PAICS: variants seen among roughly 807,000 people sequenced by gnomAD.
The protein encoded by PAICS is phosphoribosylaminoimidazole carboxylase and phosphoribosylaminoimidazolesuccinocarboxamide synthase, also known as bifunctional phosphoribosylaminoimidazole carboxylase/phosphoribosylaminoimidazole succinocarboxamide synthetase.
Under a neutral mutation model 53.7 loss-of-function variants are expected in PAICS, and 33 were observed. That is an observed-to-expected ratio of 0.61 (90% CI 0.47 to 0.82). The LOEUF is 0.82. Among genes scored for constraint, PAICS ranks in the 40% least tolerant of loss-of-function variants. The probability of loss-of-function intolerance (pLI) is 0.00; values close to 1 mark genes in which losing one functional copy is unlikely to be tolerated. For missense variants in PAICS, 394 were observed against 494.1 expected (o/e 0.80, Z 1.92); for synonymous variants, 141 against 167.2 (o/e 0.84, Z 1.21).
intron 5 of PAICS, 105 bp from the exon 6 acceptor site, chr4:56,450,514 C>T: frequency 6.3e-6 from 4 of 632,414 alleles, no homozygotes; most frequent in African/African-American, 1.8e-5. Context: ...CAGAAGTATC[C>T]CTTGCTATAC....
At chr4:56,445,837 G>A (rs139099287) in intron 2 of PAICS, among the ~76,000 whole-genome samples, 62 of 152,242 alleles carry the variant, frequency 4.1e-4, no homozygotes, top group African/African-American at 1.4e-3. Flanking sequence ...GTTTCCAGGA[G>A]ATATTTTAAA....
chr4:56,457,678 TTTTTTA>T (rs1235542603), intron 8 of PAICS, among the ~76,000 whole-genome samples: 1 of 151,184 alleles, frequency 6.6e-6, no homozygotes, highest in Non-Finnish European at 1.5e-5. Context: ...TTTTTTTTTT[TTTTTTA>T]AATGGAGTTT....
chr4:56,440,232 C>T (rs1386391124), intron 1 of PAICS, among the ~76,000 whole-genome samples: 1 of 152,094 alleles, frequency 6.6e-6, no homozygotes, highest in African/African-American at 2.4e-5. Flanking sequence ...TGTTGGAGTT[C>T]TAGATAGGAA....
rs1289150861 is a variant in PAICS, at chr4:56,446,680, G to T, written c.215-15G>T. ...CATTTCAATACCTTTTTTAACTTTGGTTATCAATATGTAGGTATTAAAACT... is the reference window on the plus strand; with the variant it reads ...CATTTCAATACCTTTTTTAACTTTGTTTATCAATATGTAGGTATTAAAACT... On this transcript the variant is annotated splice_polypyrimidine_tract_variant and intron_variant, in intron 2 of 8. Transcript: ENST00000512576. 6.6e-7 allele frequency: 1 copy of T among 1,517,130 alleles called. No individual in the cohort carries two copies. Among genetic ancestry groups the T allele is most frequent in the Admixed American group, 2.0e-5 (1 of 50,494 alleles). The allele number at this position is 1,517,130 out of a possible 1,614,324, so 94.0% of individuals were successfully genotyped here. A position where few individuals can be genotyped will look rare whatever the true frequency, so the allele number is the denominator to read the frequency against.
At chr4:56,424,196 A>G in the PAICS span, among the ~76,000 whole-genome samples, 1 of 152,228 alleles carries the variant, frequency 6.6e-6, no homozygotes, top group Non-Finnish European at 1.5e-5. Context: ...TCTTAAATGT[A>G]TGCTATAAGC....
upstream of PAICS, chr4:56,436,159 G>A (rs1560654560): frequency 9.4e-6 from 14 of 1,492,980 alleles, no homozygotes; most frequent in African/African-American, 1.4e-5. Context: ...ATACCCCTCC[G>A]GGTTAGGCGG....
At chr4:56,431,409 C>T (rs1717579529), upstream of PAICS, 1 of 978,258 alleles carries the variant, frequency 1.0e-6, no homozygotes, top group Admixed American at 6.2e-5. Flanking sequence ...ATGTTCTGTA[C>T]TCTGTTTGCA....
At chr4:56,444,073 C>T (rs2110085036) in intron 2 of PAICS, among the ~76,000 whole-genome samples, 1 of 152,060 alleles carries the variant, frequency 6.6e-6, no homozygotes. Flanking sequence ...AAATAAATGC[C>T]TTATCTAGTT....
chr4:56,452,696 G>A (rs1183515893), intron 7 of PAICS, among the ~76,000 whole-genome samples: 1 of 152,172 alleles, frequency 6.6e-6, no homozygotes, highest in African/African-American at 2.4e-5. Flanking sequence ...GAGGCGGGAG[G>A]TTAAAATAGC....
At chr4:56,417,522 C>T in the PAICS span, among the ~76,000 whole-genome samples, 1 of 152,166 alleles carries the variant, frequency 6.6e-6, no homozygotes, top group Non-Finnish European at 1.5e-5. Context: ...TGACTCACAC[C>T]TGTAACCCCA....
chr4:56,463,053 A>C lies in PAICS; in HGVS notation c.*3515A>C, dbSNP rs1231791035. The C allele has an allele frequency of 6.6e-6, 1 of 152,126 alleles. No individual in the cohort carries two copies. The highest frequency in any genetic ancestry group is 1.9e-4 in the East Asian group (1 of 5,182). 9.4% of individuals were successfully genotyped at this position (152,126 alleles called of 1,614,324 possible). The stretch of plus-strand genomic sequence containing the variant: ...TGGAATTCAATATTGCCATCGGCTG[A>C]TTTAATTTCTAATATGAAGAAAGGG... On this transcript the variant is annotated 3_prime_UTR_variant, in exon 9 of 9. Coordinates refer to ENST00000512576, the MANE Select transcript of PAICS (RefSeq NM_001079524.2).
chr4:56,413,286 T>G, the PAICS span, among the ~76,000 whole-genome samples: 1 of 152,114 alleles, frequency 6.6e-6, no homozygotes, highest in Admixed American at 6.5e-5. Flanking sequence ...CCTCCTGAGC[T>G]GGGATTAGAG....
intron 1 of PAICS, among the ~76,000 whole-genome samples, chr4:56,439,230 GTTTT>G (rs1352297448): frequency 2.6e-5 from 4 of 151,682 alleles, no homozygotes; most frequent in Non-Finnish European, 4.4e-5. Context: ...TCTGGGCACT[GTTTT>G]TTTTGTTTTT....
upstream of PAICS, among the ~76,000 whole-genome samples, chr4:56,434,464 G>C (rs142846691): frequency 3.3e-4 from 50 of 152,262 alleles, 1 homozygote; most frequent in East Asian, 9.3e-3. Context: ...TCTTATCCTA[G>C]TGTAATAATT....
At chr4:56,433,496 A>T (rs1717716146), upstream of PAICS, among the ~76,000 whole-genome samples, 1 of 138,484 alleles carries the variant, frequency 7.2e-6, no homozygotes, top group Non-Finnish European at 1.6e-5. Context: ...CATGTAAGTT[A>T]AAAAAAAAAA....
chr4:56,418,753 G>A, the PAICS span, among the ~76,000 whole-genome samples: 3 of 152,136 alleles, frequency 2.0e-5, no homozygotes, highest in Non-Finnish European at 2.9e-5. Context: ...AATGAAATCT[G>A]AGAAAAACAC....
chr4:56,448,940 G>A, intron 5 of PAICS, 117 bp downstream of exon 5: 1 of 622,662 alleles, frequency 1.6e-6, no homozygotes, highest in Non-Finnish European at 2.9e-6. Context: ...CTGTTTTGTG[G>A]ATTGCTGTTT....
intron 1 of PAICS, among the ~76,000 whole-genome samples, chr4:56,438,018 T>C (rs370560787): frequency 1.3e-5 from 2 of 151,916 alleles, no homozygotes; most frequent in African/African-American, 4.8e-5. Flanking sequence ...CAGGTTGATT[T>C]TTCTTAAATG....
chr4:56,412,984 G>A, the PAICS span, among the ~76,000 whole-genome samples: 3 of 143,394 alleles, frequency 2.1e-5, no homozygotes, highest in Non-Finnish European at 3.0e-5. Flanking sequence ...ACAATTAATG[G>A]TTCCATAATA....
Sources: gnomAD v4.1 joint callset for allele counts (sites outside exome capture counted in the v4.1 genomes callset) on GRCh38, gnomAD v4.1.1 for gene constraint, MANE v1.5 for transcripts, NCBI Gene and HGNC (gene_info 2026-07-23, HGNC 2026-07-21) for gene names.